The following DCUN1D1 variants were observed in gnomAD, a reference collection of about 807,000 sequenced individuals.
DCUN1D1 encodes defective in cullin neddylation 1 domain containing 1.
Under a neutral mutation model 39.0 loss-of-function variants are expected in DCUN1D1, and 3 were observed. That is an observed-to-expected ratio of 0.08 (90% CI 0.04 to 0.20). The LOEUF (loss-of-function observed/expected upper bound fraction) is 0.20, where lower values mean the gene tolerates loss of function less well. Among genes scored for constraint, DCUN1D1 ranks in the 10% least tolerant of loss-of-function variants. The pLI is 1.00. For missense variants in DCUN1D1, 158 were observed against 302.4 expected (o/e 0.52, Z 3.54); for synonymous variants, 82 against 96.3 (o/e 0.85, Z 0.87).
At position 182,980,507 on chromosome 3, in the gene DCUN1D1, C is replaced by T; in HGVS notation, c.-18G>A. The T allele has an allele frequency of 8.1e-7, 1 of 1,239,994 alleles. No homozygotes were observed. The highest frequency in any genetic ancestry group is 1.0e-6 in the Non-Finnish European group (1 of 972,100). 76.8% of individuals were successfully genotyped at this position (1,239,994 alleles called of 1,614,324 possible). ...CTCACCATGTTGGTGTCCTCCAGGCCTCTCCCCTCCTCCTCCGGCTCCGCA... is the reference window on the plus strand; with the variant it reads ...CTCACCATGTTGGTGTCCTCCAGGCTTCTCCCCTCCTCCTCCGGCTCCGCA... On this transcript the variant is annotated 5_prime_UTR_variant, in exon 1 of 7. Coordinates refer to ENST00000292782, the MANE Select transcript of DCUN1D1 (RefSeq NM_020640.4).
At chr3:182,948,038 A>G (rs977170139) in intron 4 of DCUN1D1, among the ~76,000 whole-genome samples, 13 of 152,182 alleles carry the variant, frequency 8.5e-5, no homozygotes, top group South Asian at 2.1e-4. Context: ...AAATTTAGCA[A>G]TATCTCTGAC....
intron 4 of DCUN1D1, among the ~76,000 whole-genome samples, chr3:182,954,134 G>C (rs777532836): frequency 9.9e-5 from 15 of 152,108 alleles, no homozygotes; most frequent in Non-Finnish European, 1.9e-4. Context: ...TATAGTATAA[G>C]TCTGTTCATA....
chr3:182,973,198 A>C (rs563373299), intron 1 of DCUN1D1, among the ~76,000 whole-genome samples: 1 of 152,252 alleles, frequency 6.6e-6, no homozygotes, highest in South Asian at 2.1e-4. Flanking sequence ...CCTGATAACT[A>C]AGAGAGCTAC....
In DCUN1D1 at chr3:182,941,242, T is replaced by C. The variant is rs1254738196; in HGVS notation, c.*3852A>G. 3 of 152,078 alleles carry C rather than the reference T, an allele frequency of 2.0e-5. No individual in the cohort carries two copies. The highest frequency in any genetic ancestry group is 1.9e-4 in the East Asian group (1 of 5,202). 9.4% of individuals were successfully genotyped at this position (152,078 alleles called of 1,614,324 possible). On this transcript the variant is annotated 3_prime_UTR_variant, in exon 7 of 7. Coordinates refer to ENST00000292782, the MANE Select transcript of DCUN1D1 (RefSeq NM_020640.4). The stretch of plus-strand genomic sequence containing the variant: ...AATATTTAAGAAAAATGGCAACAAA[T>C]AGCAAAGATAAACCTGGAAAAGGGC...
chr3:182,951,697 T>TC (rs560768829), intron 4 of DCUN1D1, among the ~76,000 whole-genome samples: 1 of 128,644 alleles, frequency 7.8e-6, no homozygotes, highest in Non-Finnish European at 1.6e-5. Flanking sequence ...AGATAATTTC[T>TC]TTTTTTTTTT....
rs1385067329 is a variant in DCUN1D1, at chr3:182,965,613, A to G, written c.144T>C (p.Pro48=). The change falls in exon 2 of 7, where the codon CCT becomes CCC. Residue 48 remains proline (P), a synonymous_variant. Transcript: ENST00000292782. ...DVATDNFFQN[P]ELYIRESVKG... is the part of the protein sequence containing the mutation. Reference sequence around the variant, plus strand: ...TTACACTCTCTCGTATATAAAGTTCAGGATTTTGGAAAAAATTATCTGTTG... The same window carrying G: ...TTACACTCTCTCGTATATAAAGTTCGGGATTTTGGAAAAAATTATCTGTTG... 6.2e-7 allele frequency: 1 copy of G among 1,613,820 alleles called. No individual in the cohort carries two copies. The highest frequency in any genetic ancestry group is 1.1e-5 in the South Asian group (1 of 91,082).
At chr3:182,980,575 T>G (rs1360697035), upstream of DCUN1D1, 1 of 1,156,024 alleles carries the variant, frequency 8.7e-7, no homozygotes, top group East Asian at 5.1e-5. Context: ...CTCACGGGCT[T>G]GCCCGGCTCC....
At chr3:182,985,488 G>A (rs953333610), upstream of DCUN1D1, 4 of 152,268 alleles carry the variant, frequency 2.6e-5, no homozygotes, top group African/African-American at 9.7e-5. Context: ...AATTAGCTGG[G>A]TGTGGTGGCA....
intron 6 of DCUN1D1, 33 bp downstream of exon 6, chr3:182,947,205 A>T: frequency 8.1e-7 from 1 of 1,227,826 alleles, no homozygotes; most frequent in Non-Finnish European, 1.2e-6. Context: ...AAGGCACATT[A>T]AAAAAAAGTG....
intron 1 of DCUN1D1, chr3:182,980,204 G>T: frequency 2.5e-6 from 1 of 393,570 alleles, no homozygotes; most frequent in African/African-American, 2.2e-5. Flanking sequence ...CCGGCAAGGG[G>T]CACCGGGGCC....
intron 1 of DCUN1D1, among the ~76,000 whole-genome samples, chr3:182,970,887 G>A (rs541656666): frequency 1.3e-5 from 2 of 152,284 alleles, no homozygotes; most frequent in East Asian, 1.9e-4. Flanking sequence ...CTACAGGTCC[G>A]AAGTCAAAAG....
rs75841640 is a variant in DCUN1D1 at position 182,966,122 on chromosome 3, A to C, written c.4-369T>G. Among the ~76,000 whole-genome samples, 1,479 of 152,100 alleles carry C rather than the reference A, an allele frequency of 9.7e-3. 9 individuals are homozygous for C. Among genetic ancestry groups the C allele is most frequent in the Middle Eastern group, 0.031 (9 of 294 alleles). On this transcript the variant is annotated intron_variant, in intron 1 of 6. Coordinates refer to ENST00000292782, the MANE Select transcript of DCUN1D1 (RefSeq NM_020640.4). ...GGATGCACAAGCAGACACGGGGAAGAAGGTGACATGATCAGACGCAGGGAA... is the reference window on the plus strand; with the variant it reads ...GGATGCACAAGCAGACACGGGGAAGCAGGTGACATGATCAGACGCAGGGAA...
chr3:182,967,194 A>C (rs1023175060), intron 1 of DCUN1D1, among the ~76,000 whole-genome samples: 2 of 151,400 alleles, frequency 1.3e-5, no homozygotes, highest in Non-Finnish European at 2.9e-5. Context: ...TGAGAGCCCC[A>C]GATTCCCTCA....
At chr3:182,969,549 A>G (rs1330702097) in intron 1 of DCUN1D1, among the ~76,000 whole-genome samples, 1 of 152,254 alleles carries the variant, frequency 6.6e-6, no homozygotes, top group Non-Finnish European at 1.5e-5. Flanking sequence ...CAAATGTAAT[A>G]TATGCCATTT....
chr3:182,962,625 T>A (rs1727457476), intron 3 of DCUN1D1, among the ~76,000 whole-genome samples: 1 of 152,246 alleles, frequency 6.6e-6, no homozygotes, highest in African/African-American at 2.4e-5. Context: ...GCTTCTAAAT[T>A]TCTTCCTTGT....
intron 1 of DCUN1D1, 55 bp from the exon 2 acceptor site, chr3:182,965,808 T>C (rs1727638343): frequency 4.4e-6 from 5 of 1,136,754 alleles, no homozygotes; most frequent in Non-Finnish European, 6.5e-6. Flanking sequence ...TAAGACTAAA[T>C]ATTTCTATAT....
intron 4 of DCUN1D1, among the ~76,000 whole-genome samples, chr3:182,957,944 A>AAAAC (rs1226599021): frequency 8.0e-5 from 12 of 150,574 alleles, no homozygotes; most frequent in Admixed American, 2.0e-4. Context: ...CATCAAAAAA[A>AAAAC]AAAAAAAAAA....
At chr3:182,950,161 T>A (rs1341628446) in intron 4 of DCUN1D1, among the ~76,000 whole-genome samples, 1 of 152,154 alleles carries the variant, frequency 6.6e-6, no homozygotes, top group African/African-American at 2.4e-5. Flanking sequence ...CTTATCTTTT[T>A]TTTTTGAGAT....
intron 4 of DCUN1D1, among the ~76,000 whole-genome samples, chr3:182,957,711 G>GT (rs1342162108): frequency 6.6e-6 from 1 of 151,758 alleles, no homozygotes; most frequent in Non-Finnish European, 1.5e-5. Context: ...ATCACAAGAA[G>GT]TAAGGTTATA....
Sources: allele counts gnomAD v4.1 joint callset (sites outside exome capture counted in the v4.1 genomes callset), GRCh38; gene constraint gnomAD v4.1.1; transcripts MANE v1.5; gene names NCBI Gene and HGNC (gene_info 2026-07-23, HGNC 2026-07-21).